The following MPDZ variants were observed in gnomAD, a reference collection of about 807,000 sequenced individuals.
MPDZ encodes the protein multiple PDZ domain protein.
Under a neutral mutation model 239.1 loss-of-function variants are expected in MPDZ, and 234 were observed. The ratio of observed to expected loss-of-function variants is 0.98; its 90% confidence interval spans 0.88 to 1.09. The LOEUF is 1.09. Ranked by LOEUF, MPDZ falls within the 50% of genes least tolerant of loss-of-function variation. The pLI is 0.00. For synonymous variants in MPDZ, 1,048 were observed against 881.3 expected, an observed-to-expected ratio of 1.19 and a Z score of -3.35; for missense variants, 3,175 against 2,510.0, an observed-to-expected ratio of 1.26 and a Z score of -5.66.
Position 13,256,407 on chromosome 9 carries a change from C to T in MPDZ, c.-57-6035G>A, listed in dbSNP as rs145114520. On this transcript the variant is annotated intron_variant, in intron 1 of 46. Transcript: ENST00000319217. ...CACAACTTGGCTGTTTGGCACAACA[C>T]ACTTAGCTTTCAGCCTATCTCTACT... Among the ~76,000 whole-genome samples the T allele has an allele frequency of 5.5e-3, 834 of 152,314 alleles. 21 individuals are homozygous for T. The highest frequency in any genetic ancestry group is 0.038 in the East Asian group (199 of 5,178).
chr9:13,238,420 C>A (rs1964613155), intron 3 of MPDZ, among the ~76,000 whole-genome samples: 2 of 152,276 alleles, frequency 1.3e-5, no homozygotes, highest in South Asian at 2.1e-4. Context: ...GTAAATCAGA[C>A]ACCCCCTTCT....
In MPDZ at chr9:13,106,846, T is replaced by C. The variant is rs1941533639; in HGVS notation, c.*119A>G. 1.9e-6 allele frequency: 2 copies of C among 1,073,660 alleles called. No homozygotes were observed. The highest frequency in any genetic ancestry group is 2.6e-6 in the Non-Finnish European group (2 of 757,028). The allele number at this position is 1,073,660 out of a possible 1,614,324, so 66.5% of individuals were successfully genotyped here. On this transcript the variant is annotated 3_prime_UTR_variant, in exon 47 of 47. Coordinates refer to ENST00000319217, the MANE Select transcript of MPDZ (RefSeq NM_001378778.1). ...GAGAAAAAGAAACTTAAGTGTTATT[T>C]CCCCCCTACAGTTTTGAAGACCCGG...
intron 16 of MPDZ, among the ~76,000 whole-genome samples, chr9:13,189,527 C>G: frequency 6.6e-6 from 1 of 152,070 alleles, no homozygotes; most frequent in Middle Eastern, 3.4e-3. Context: ...AGAGTCAGGC[C>G]CTATGAACAC....
intron 7 of MPDZ, among the ~76,000 whole-genome samples, chr9:13,221,059 C>T (rs1024075510): frequency 9.2e-5 from 14 of 151,872 alleles, no homozygotes; most frequent in African/African-American, 2.9e-4. Context: ...TATATAAATA[C>T]GAATTATGAC....
chr9:13,138,803 T>C (rs1360818806), intron 28 of MPDZ, among the ~76,000 whole-genome samples: 3 of 152,192 alleles, frequency 2.0e-5, no homozygotes, highest in Non-Finnish European at 4.4e-5. Flanking sequence ...GGTGCTCCAG[T>C]GCACAGCCAC....
intron 25 of MPDZ, among the ~76,000 whole-genome samples, chr9:13,148,536 A>T (rs1032670175): frequency 2.4e-4 from 37 of 152,070 alleles, no homozygotes; most frequent in Non-Finnish European, 1.6e-4. Flanking sequence ...ATTTAGATAA[A>T]AACCTCCCTC....
At chr9:13,183,164 C>T (rs955993363) in intron 19 of MPDZ, among the ~76,000 whole-genome samples, 1 of 152,004 alleles carries the variant, frequency 6.6e-6, no homozygotes, top group Non-Finnish European at 1.5e-5. Context: ...TTCTGACATG[C>T]AAACCCTAAT....
chr9:13,258,347 TATCTTA>T (rs1969920182), intron 1 of MPDZ, among the ~76,000 whole-genome samples: 1 of 152,228 alleles, frequency 6.6e-6, no homozygotes, highest in Non-Finnish European at 1.5e-5. Flanking sequence ...ATTTTCTACT[TATCTTA>T]AACAATTCTG....
chr9:13,277,702 C>CGCA (rs1974556248), intron 1 of MPDZ, among the ~76,000 whole-genome samples: 1 of 152,014 alleles, frequency 6.6e-6, no homozygotes, highest in African/African-American at 2.4e-5. Flanking sequence ...GTATCTGAGA[C>CGCA]TACAGGTGCG....
intron 32 of MPDZ, among the ~76,000 whole-genome samples, chr9:13,132,089 G>A (rs533538715): frequency 8.5e-5 from 13 of 152,240 alleles, no homozygotes; most frequent in East Asian, 1.9e-4. Context: ...AGCTTTCAGC[G>A]GGCAATACAT....
At chr9:13,132,613 A>G (rs901695558) in intron 32 of MPDZ, among the ~76,000 whole-genome samples, 1 of 152,194 alleles carries the variant, frequency 6.6e-6, no homozygotes, top group Non-Finnish European at 1.5e-5. Flanking sequence ...CTAATTATTA[A>G]AACAATAATA....
chr9:13,260,952 T>A (rs1970550543), intron 1 of MPDZ, among the ~76,000 whole-genome samples: 1 of 152,214 alleles, frequency 6.6e-6, no homozygotes, highest in African/African-American at 2.4e-5. Flanking sequence ...TGCTATCATG[T>A]ACTATGCTTC....
rs1010955387 is a variant in MPDZ, at chr9:13,106,413, A to C, written c.*552T>G. 6.6e-6 allele frequency: 1 copy of C among 152,096 alleles called. No individual in the cohort carries two copies. Among genetic ancestry groups the C allele is most frequent in the African/African-American group, 2.4e-5 (1 of 41,402 alleles). 9.4% of individuals were successfully genotyped at this position (152,096 alleles called of 1,614,324 possible). On this transcript the variant is annotated 3_prime_UTR_variant, in exon 47 of 47. Transcript: ENST00000319217. ...ATGCATATTAGAGGTGGGGAGATGC[A>C]ATGTTTTTATAATACTGTTGAAAAT...
chr9:13,217,135 G>C, intron 9 of MPDZ, 45 bp downstream of exon 9: 1 of 1,196,732 alleles, frequency 8.4e-7, no homozygotes, highest in South Asian at 1.4e-5. Flanking sequence ...ATAGATATCA[G>C]AGGTAATTGT....
intron 15 of MPDZ, among the ~76,000 whole-genome samples, chr9:13,190,560 C>T (rs563355099): frequency 3.3e-5 from 5 of 152,176 alleles, no homozygotes; most frequent in African/African-American, 1.2e-4. Flanking sequence ...GGTTATATCT[C>T]GACAGCAGGA....
At chr9:13,122,879 A>C (rs1944565533) in intron 36 of MPDZ, among the ~76,000 whole-genome samples, 1 of 152,204 alleles carries the variant, frequency 6.6e-6, no homozygotes, top group South Asian at 2.1e-4. Flanking sequence ...ATTAAAATGT[A>C]GCAAGGACTG....
At position 13,133,879 on chromosome 9, in the gene MPDZ, TC is replaced by T; in HGVS notation, c.4408del (p.Asp1470MetfsTer39). The T allele has an allele frequency of 6.3e-7, 1 of 1,595,352 alleles. No individual in the cohort carries two copies. The highest frequency in any genetic ancestry group is 1.3e-5 in the African/African-American group (1 of 74,440). ...KETEPTVTTS[D>X]AAVDLSSFKN... ...AAATGAACTGAGGTCCACAGCTGCA[TC>T]AGAAGTAGTAACAGTTGGCTCTGTC... On this transcript the variant is annotated frameshift_variant, in exon 32 of 47. Coordinates refer to ENST00000319217, the MANE Select transcript of MPDZ (RefSeq NM_001378778.1). LOFTEE classifies it high-confidence loss of function.
At chr9:13,220,101 T>A (rs1174984455) in intron 7 of MPDZ, among the ~76,000 whole-genome samples, 1 of 151,964 alleles carries the variant, frequency 6.6e-6, no homozygotes, top group Non-Finnish European at 1.5e-5. Context: ...AAGAAGAAAA[T>A]GCCCTTAAGC....
chr9:13,183,461 T>C lies in MPDZ; in HGVS notation c.2606A>G (p.Asp869Gly), dbSNP rs765068620. The change falls in exon 19 of 47, where the codon GAT (aspartate) becomes GGT (glycine). Residue 869 changes from aspartate to glycine, a missense_variant. Asp to Gly is a moderately conservative substitution (Grantham distance 94, BLOSUM62 -1). Transcript: ENST00000319217. ...AAGGGAAGAACCATAGTTCAGGCCA[T>C]CACCACAAGAACTGCCATGAAGAGA... is the stretch of plus-strand genomic sequence containing the variant. Reference protein sequence around the residue: ...ILSLHGSSCGDGLNYGSSLPS... With the variant: ...ILSLHGSSCGGGLNYGSSLPS... 47 of 1,611,742 alleles carry C rather than the reference T, an allele frequency of 2.9e-5. No individual in the cohort carries two copies. The Admixed American group carries it at 6.2e-4, about 21-fold the overall frequency.
Sources: allele counts gnomAD v4.1 joint callset (sites outside exome capture counted in the v4.1 genomes callset), GRCh38; gene constraint gnomAD v4.1.1; transcripts MANE v1.5; gene names NCBI Gene and HGNC (gene_info 2026-07-23, HGNC 2026-07-21).